PALM2AKAP2: variants seen among roughly 807,000 people sequenced by gnomAD.
The protein encoded by PALM2AKAP2 is PALM2 and AKAP2 fusion, also known as PALM2-AKAP2 fusion protein.
PALM2AKAP2 carries 37 observed loss-of-function variants against 71.5 expected under a neutral mutation model. That is an observed-to-expected ratio of 0.52 (90% CI 0.40 to 0.68). The LOEUF (loss-of-function observed/expected upper bound fraction) is 0.68. PALM2AKAP2 is among the 30% of genes least tolerant of loss of function. The probability of loss-of-function intolerance (pLI) is 0.00; values close to 1 mark genes in which losing one functional copy is unlikely to be tolerated. For missense variants in PALM2AKAP2, 1,224 were observed against 1,191.8 expected (o/e 1.03, Z -0.40); for synonymous variants, 468 against 478.8 (o/e 0.98, Z 0.29).
At chr9:109,640,851 G>A (rs1209384144) in exon 1 of PALM2AKAP2, 4 of 1,517,128 alleles carry the variant, frequency 2.6e-6, no homozygotes, top group East Asian at 2.6e-5. Context: ...ACCCGGCCGC[G>A]GAGCCCCGCG....
intron 1 of PALM2AKAP2, among the ~76,000 whole-genome samples, chr9:109,817,782 C>G (rs1052766596): frequency 6.6e-6 from 1 of 152,158 alleles, no homozygotes; most frequent in Non-Finnish European, 1.5e-5. Flanking sequence ...GAAACAGGGC[C>G]CCTTTGTTCC....
intron 2 of PALM2AKAP2, among the ~76,000 whole-genome samples, chr9:109,872,611 A>G (rs1475610378): frequency 6.6e-6 from 1 of 152,238 alleles, no homozygotes; most frequent in African/African-American, 2.4e-5. Context: ...TTGTCATTAT[A>G]TTTGGAAGAC....
chr9:110,050,629 T>TC (rs1461213718), intron 1 of PALM2AKAP2, among the ~76,000 whole-genome samples: 152 of 150,758 alleles, frequency 1.0e-3, no homozygotes, highest in African/African-American at 3.4e-3. Context: ...TCTTTTCTTT[T>TC]TTTTTCTTTT....
chr9:110,075,129 G>A (rs1020581218), intron 1 of PALM2AKAP2, among the ~76,000 whole-genome samples: 3 of 152,282 alleles, frequency 2.0e-5, no homozygotes, highest in Non-Finnish European at 4.4e-5. Flanking sequence ...AATTCTGGCC[G>A]AATGTCGGTG....
chr9:109,677,007 T>C (rs1207457295), intron 1 of PALM2AKAP2, among the ~76,000 whole-genome samples: 2 of 152,144 alleles, frequency 1.3e-5, no homozygotes, highest in African/African-American at 4.8e-5. Context: ...GTTGAGTGCA[T>C]GAGAGGGCCG....
intron 6 of PALM2AKAP2, among the ~76,000 whole-genome samples, chr9:109,994,155 A>G (rs192176794): frequency 6.6e-6 from 1 of 152,348 alleles, no homozygotes; most frequent in African/African-American, 2.4e-5. Context: ...ACTTTTATTC[A>G]CATCGTATAT....
At chr9:109,779,217 A>ATT (rs138234867), upstream of PALM2AKAP2, among the ~76,000 whole-genome samples, 4 of 150,816 alleles carry the variant, frequency 2.7e-5, no homozygotes, top group African/African-American at 9.8e-5. Flanking sequence ...GTGAAGAGGC[A>ATT]TTTTTTTTTG....
chr9:109,737,369 A>T (rs1226717361), intron 1 of PALM2AKAP2, among the ~76,000 whole-genome samples: 2 of 152,236 alleles, frequency 1.3e-5, no homozygotes, highest in Non-Finnish European at 2.9e-5. Context: ...CAGTCATGGG[A>T]GGTGACTAAC....
At chr9:109,856,990 T>C (rs1455015864) in intron 1 of PALM2AKAP2, among the ~76,000 whole-genome samples, 1 of 152,208 alleles carries the variant, frequency 6.6e-6, no homozygotes, top group African/African-American at 2.4e-5. Context: ...TCCCCTGTTC[T>C]GTGGCCTGCG....
At chr9:109,908,808 GCACA>G (rs59715039) in intron 3 of PALM2AKAP2, among the ~76,000 whole-genome samples, 5,547 of 149,954 alleles carry the variant, frequency 0.037, 114 homozygotes, top group African/African-American at 0.041. Flanking sequence ...GGATGCGTGT[GCACA>G]CACACACACA....
intron 7 of PALM2AKAP2, among the ~76,000 whole-genome samples, chr9:110,042,747 CTTG>C (rs1382709566): frequency 3.3e-5 from 5 of 152,072 alleles, no homozygotes; most frequent in African/African-American, 9.7e-5. Flanking sequence ...CTCCTAGACT[CTTG>C]TTGTTCTGAT....
upstream of PALM2AKAP2, among the ~76,000 whole-genome samples, chr9:109,779,892 C>T (rs1470794316): frequency 6.6e-6 from 1 of 152,152 alleles, no homozygotes. Flanking sequence ...GGTCAGACGC[C>T]CCTCTCCACT....
At chr9:109,725,516 A>T (rs1398566710) in intron 1 of PALM2AKAP2, among the ~76,000 whole-genome samples, 1 of 152,220 alleles carries the variant, frequency 6.6e-6, no homozygotes, top group African/African-American at 2.4e-5. Flanking sequence ...AACCTAAAGG[A>T]ATAACTCATC....
At chr9:109,943,364 C>T in intron 6 of PALM2AKAP2, 1 of 1,614,176 alleles carries the variant, frequency 6.2e-7, no homozygotes, top group Non-Finnish European at 8.5e-7. Context: ...GAGAGCCTAG[C>T]TACAGAGCCA....
chr9:109,838,175 G>A (rs1412350324), intron 1 of PALM2AKAP2, among the ~76,000 whole-genome samples: 2 of 152,138 alleles, frequency 1.3e-5, no homozygotes, highest in Non-Finnish European at 2.9e-5. Flanking sequence ...ATAACAAACT[G>A]TCTCTCAGAC....
chr9:109,950,991 G>A (rs770040886), intron 6 of PALM2AKAP2, among the ~76,000 whole-genome samples: 3 of 152,252 alleles, frequency 2.0e-5, no homozygotes, highest in Non-Finnish European at 4.4e-5. Context: ...TCTGTATGTA[G>A]CTCCAACTCC....
chr9:109,785,560 G>T (rs995106514), intron 1 of PALM2AKAP2, among the ~76,000 whole-genome samples: 7 of 152,172 alleles, frequency 4.6e-5, no homozygotes, highest in African/African-American at 1.7e-4. Flanking sequence ...CGTGGCTGGG[G>T]AGGCCTCACA....
At chr9:109,951,441 A>G (rs1831639578) in intron 6 of PALM2AKAP2, among the ~76,000 whole-genome samples, 1 of 152,240 alleles carries the variant, frequency 6.6e-6, no homozygotes, top group Admixed American at 6.5e-5. Context: ...TCTGTACAGT[A>G]TTAATAGACA....
At chr9:109,991,886 C>A (rs905299590) in intron 6 of PALM2AKAP2, among the ~76,000 whole-genome samples, 2 of 152,114 alleles carry the variant, frequency 1.3e-5, no homozygotes, top group South Asian at 2.1e-4. Flanking sequence ...GTGTTTGACT[C>A]CAGAAGACCA....
Sources: allele counts gnomAD v4.1 joint callset (sites outside exome capture counted in the v4.1 genomes callset), GRCh38; gene constraint gnomAD v4.1.1; transcripts MANE v1.5; gene names NCBI Gene and HGNC (gene_info 2026-07-23, HGNC 2026-07-21).